Variants in GAREM1 observed in about 807,000 individuals in gnomAD.
The protein encoded by GAREM1 is GRB2 associated regulator of MAPK1 subtype 1.
GAREM1 carries 26 observed loss-of-function variants against 71.3 expected under a neutral mutation model. The observed-to-expected ratio is 0.36, with a 90% CI of 0.27 to 0.51. The LOEUF (loss-of-function observed/expected upper bound fraction) is 0.51, where lower values mean the gene tolerates loss of function less well. GAREM1 is among the 20% of genes least tolerant of loss of function. The pLI is 0.95. For synonymous variants in GAREM1, 440 were observed against 433.2 expected (o/e 1.02, Z -0.20); for missense variants, 1,026 against 1,103.1 (o/e 0.93, Z 0.99).
At chr18:32,293,786 A>G (rs1319578513) in intron 3 of GAREM1, among the ~76,000 whole-genome samples, 1 of 152,196 alleles carries the variant, frequency 6.6e-6, no homozygotes, top group Non-Finnish European at 1.5e-5. Flanking sequence ...TATCAAATTT[A>G]GTATCACCAA....
At chr18:32,427,120 G>C (rs1270156336) in intron 1 of GAREM1, among the ~76,000 whole-genome samples, 3 of 152,000 alleles carry the variant, frequency 2.0e-5, no homozygotes, top group Admixed American at 2.0e-4. Flanking sequence ...GGTAGTTTCT[G>C]GGAGCTCCAA....
intron 1 of GAREM1, among the ~76,000 whole-genome samples, chr18:32,430,026 C>T (rs1032853330): frequency 6.6e-6 from 1 of 152,288 alleles, no homozygotes; most frequent in East Asian, 1.9e-4. Flanking sequence ...TGGTTTCAAA[C>T]ACCATGTCAC....
chr18:32,433,760 C>A (rs1352786461), intron 1 of GAREM1, among the ~76,000 whole-genome samples: 2 of 151,850 alleles, frequency 1.3e-5, no homozygotes, highest in Non-Finnish European at 2.9e-5. Context: ...AATCTGTATG[C>A]TGAAAATGAC....
chr18:32,270,897 G>GTTT (rs58914123), intron 4 of GAREM1, among the ~76,000 whole-genome samples: 34,033 of 92,634 alleles, frequency 0.37, 7,988 homozygotes, highest in Non-Finnish European at 0.5. Context: ...GTTCAGGGAT[G>GTTT]TTTTTTTTTT....
chr18:32,440,985 C>T (rs950112204), intron 1 of GAREM1, among the ~76,000 whole-genome samples: 20 of 152,166 alleles, frequency 1.3e-4, no homozygotes, highest in Non-Finnish European at 2.8e-4. Flanking sequence ...TTAAGAAGCA[C>T]CATTTTATGA....
intron 2 of GAREM1, among the ~76,000 whole-genome samples, chr18:32,318,367 ATCCT>A (rs988113858): frequency 3.9e-4 from 59 of 152,200 alleles, no homozygotes; most frequent in African/African-American, 4.8e-5. Context: ...GATGCTCCAA[ATCCT>A]TCCTTCATCT....
intron 3 of GAREM1, among the ~76,000 whole-genome samples, chr18:32,308,030 A>C (rs1427868661): frequency 6.6e-6 from 1 of 152,210 alleles, no homozygotes; most frequent in Non-Finnish European, 1.5e-5. Flanking sequence ...AGAATTGAAT[A>C]ATGTTTTAAT....
intron 1 of GAREM1, among the ~76,000 whole-genome samples, chr18:32,401,031 T>C (rs899020073): frequency 1.3e-5 from 2 of 152,110 alleles, no homozygotes; most frequent in Non-Finnish European, 2.9e-5. Flanking sequence ...TGTAGGGACA[T>C]GGATGAAGCT....
rs190878316 is a variant in GAREM1, at chr18:32,341,821, G to A, written c.263-31498C>T. ...TCCTCTGGGCTAAGACAGTTGTAAT[G>A]GCAGAACTGGAGAGAAGTGAATGGA... On this transcript the variant is annotated intron_variant, in intron 2 of 5. Transcript: ENST00000269209. 9.2e-5 allele frequency among the ~76,000 whole-genome samples: 14 copies of A among 152,192 alleles called. No individual in the cohort carries two copies. In the East Asian group the frequency reaches 2.5e-3, roughly 27 times the overall value.
At chr18:32,381,864 G>C (rs76760336) in intron 2 of GAREM1, among the ~76,000 whole-genome samples, 5,211 of 152,214 alleles carry the variant, frequency 0.034, 135 homozygotes, top group East Asian at 0.11. Flanking sequence ...TTCAGGAATG[G>C]TGCCTGGTAC....
At chr18:32,302,421 G>A (rs7243963) in intron 3 of GAREM1, among the ~76,000 whole-genome samples, 13,051 of 152,106 alleles carry the variant, frequency 0.086, 1,063 homozygotes, top group African/African-American at 0.21. Context: ...TCTTAGTATT[G>A]CAAGGCTCTA....
At chr18:32,280,831 G>A (rs1184939131) in intron 4 of GAREM1, among the ~76,000 whole-genome samples, 1 of 152,132 alleles carries the variant, frequency 6.6e-6, no homozygotes, top group Non-Finnish European at 1.5e-5. Context: ...CGTGGTAGCT[G>A]GCTCTGCCCA....
In GAREM1 at chr18:32,467,584, G is replaced by A. The variant is rs577006299; in HGVS notation, c.121+2724C>T. Among the ~76,000 whole-genome samples the A allele has an allele frequency of 1.7e-3, 257 of 152,292 alleles. 2 individuals carry two copies. Among genetic ancestry groups the A allele is most frequent in the African/African-American group, 5.9e-3 (245 of 41,560 alleles). On this transcript the variant is annotated intron_variant, in intron 1 of 5. Coordinates refer to ENST00000269209, the MANE Select transcript of GAREM1 (RefSeq NM_001242409.2). ...GCATCTAGAAATGTACCAGCCCATA[G>A]TAGGCTTCTGATAATCAATAGTTGT...
chr18:32,298,333 T>G (rs1293637044), intron 3 of GAREM1, among the ~76,000 whole-genome samples: 2 of 152,224 alleles, frequency 1.3e-5, no homozygotes, highest in African/African-American at 4.8e-5. Context: ...TAAATGCTCT[T>G]TCTTTAGCAG....
At chr18:32,304,375 C>A (rs1213910074) in intron 3 of GAREM1, among the ~76,000 whole-genome samples, 2 of 151,882 alleles carry the variant, frequency 1.3e-5, no homozygotes, top group Admixed American at 1.3e-4. Context: ...TAATCTTAAT[C>A]TGTGGTGGGA....
chr18:32,368,536 T>C (rs1019350330), intron 2 of GAREM1, among the ~76,000 whole-genome samples: 32 of 152,280 alleles, frequency 2.1e-4, no homozygotes, highest in African/African-American at 7.7e-4. Flanking sequence ...AACACTAGTC[T>C]CCTTTTTCTA....
Position 32,470,502 on chromosome 18 carries a change from TGCTCGC to T in GAREM1, c.-80_-75del. 7.3e-6 allele frequency: 8 copies of T among 1,097,892 alleles called. No homozygotes were observed. Among genetic ancestry groups the T allele is most frequent in the Non-Finnish European group, 9.0e-6 (8 of 892,934 alleles). 68.0% of individuals were successfully genotyped at this position (1,097,892 alleles called of 1,614,324 possible). A position where few individuals can be genotyped will look rare whatever the true frequency, so the allele number is the denominator to read the frequency against. ...CCACCCGCGCCTCGGCGGCCGCCGC[TGCTCGC>T]GCTCGCGGTCTGGGGCGCGCGGGAG... On this transcript the variant is annotated 5_prime_UTR_variant, in exon 1 of 6. Transcript: ENST00000269209. The surrounding 1 kb of genome is among the most constrained non-coding windows in gnomAD (Gnocchi z 4.4).
chr18:32,462,828 AG>A (rs1201010526), intron 1 of GAREM1, among the ~76,000 whole-genome samples: 1 of 152,220 alleles, frequency 6.6e-6, no homozygotes, highest in African/African-American at 2.4e-5. Flanking sequence ...GATGATAGAT[AG>A]GGGTCCAGCA....
rs147048599 is a variant in GAREM1 at position 32,407,077 on chromosome 18, T to A, written c.122-14042A>T. 7.7e-4 allele frequency among the ~76,000 whole-genome samples: 117 copies of A among 152,268 alleles called. 1 individual carries two copies. In the East Asian group the frequency reaches 0.018, roughly 24 times the overall value. On this transcript the variant is annotated intron_variant, in intron 1 of 5. Coordinates refer to ENST00000269209, the MANE Select transcript of GAREM1 (RefSeq NM_001242409.2). ...TCTAACATTCAGCTATCCCAAATGA[T>A]CCTCCAACACTATGCAAGTGCCTAC... is the stretch of plus-strand genomic sequence containing the variant.
Sources: gnomAD v4.1 joint callset for allele counts (sites outside exome capture counted in the v4.1 genomes callset) on GRCh38, gnomAD v4.1.1 for gene constraint, Gnocchi (gnomAD v3.1) non-coding constraint, MANE v1.5 for transcripts, NCBI Gene and HGNC (gene_info 2026-07-23, HGNC 2026-07-21) for gene names.